ZNF776: variants seen among roughly 807,000 people sequenced by gnomAD.
ZNF776 encodes the protein zinc finger protein 776.
A neutral mutation model predicts 7.0 loss-of-function variants in ZNF776; 4 were observed. The observed-to-expected ratio is 0.57, with a 90% CI of 0.28 to 1.31. The LOEUF is 1.31. ZNF776 is among the 50% of genes most tolerant of loss of function. ZNF776 has a pLI of 0.10. For missense variants in ZNF776, 555 were observed against 625.9 expected (o/e 0.89, Z 1.21); for synonymous variants, 212 against 213.7 (o/e 0.99, Z 0.07).
At chr19:57,752,053 TA>T (rs1986626067) in intron 2 of ZNF776, among the ~76,000 whole-genome samples, 1 of 151,996 alleles carries the variant, frequency 6.6e-6, no homozygotes, top group Non-Finnish European at 1.5e-5. Flanking sequence ...TTTGTATTTT[TA>T]GTAGAGACGG....
At position 57,746,916 on chromosome 19, in the gene ZNF776, T is replaced by G; in HGVS notation, c.-143T>G. ...AACCCAGAAGGTGGAGACGAGACGT[T>G]GTCCCGACTGCACAGAGGCTGCTCT... On this transcript the variant is annotated 5_prime_UTR_variant, in exon 1 of 3. Coordinates refer to ENST00000317178, the MANE Select transcript of ZNF776 (RefSeq NM_173632.4). 3 of 755,920 alleles carry G rather than the reference T, an allele frequency of 4.0e-6. No individual in the cohort carries two copies. Among genetic ancestry groups the G allele is most frequent in the South Asian group, 4.2e-5 (2 of 47,854 alleles). The allele number at this position is 755,920 out of a possible 1,614,324, so 46.8% of individuals were successfully genotyped here. A position where few individuals can be genotyped will look rare whatever the true frequency, so the allele number is the denominator to read the frequency against.
At chr19:57,747,167 T>C in intron 1 of ZNF776, 76 bp downstream of exon 1, 1 of 1,484,450 alleles carries the variant, frequency 6.7e-7, no homozygotes, top group Non-Finnish European at 9.1e-7. Context: ...AAGCGGCGCC[T>C]GCTCAAGGTT....
At chr19:57,749,901 C>T (rs937967122) in intron 1 of ZNF776, among the ~76,000 whole-genome samples, 1 of 152,198 alleles carries the variant, frequency 6.6e-6, no homozygotes, top group African/African-American at 2.4e-5. Flanking sequence ...GGGATGTCCT[C>T]TTCTAGACTT....
rs1986727718 is a variant in ZNF776, at chr19:57,754,751, A to G, written c.*64A>G. The G allele has an allele frequency of 1.3e-6, 2 of 1,527,604 alleles. No individual in the cohort carries two copies. Among genetic ancestry groups the G allele is most frequent in the Non-Finnish European group, 1.8e-6 (2 of 1,123,884 alleles). The allele number at this position is 1,527,604 out of a possible 1,614,324, so 94.6% of individuals were successfully genotyped here. ...TCAACATTCGTGAGATCACACTGGA[A>G]AGCACTTATGAGTATGGAGAATGTG... On this transcript the variant is annotated 3_prime_UTR_variant, in exon 3 of 3. Transcript: ENST00000317178.
chr19:57,753,298 G>T lies in ZNF776; in HGVS notation c.168G>T (p.Trp56Cys). The T allele has an allele frequency of 1.9e-6, 3 of 1,606,614 alleles. No individual in the cohort carries two copies. Among genetic ancestry groups the T allele is most frequent in the Non-Finnish European group, 2.6e-6 (3 of 1,176,208 alleles). Residue 56 changes from tryptophan (W) to cysteine (C), a missense_variant, in exon 3 of 3, where the codon TGG becomes TGT. By Grantham distance (215) the Trp-to-Cys change is radical. Coordinates refer to ENST00000317178, the MANE Select transcript of ZNF776 (RefSeq NM_173632.4). The part of the protein sequence containing the change: ...NLTLISSLGC[W>C]YGAKDETPSK... ...GCATTTTATTTCTTTTAGGTTGTTGGTATGGAGCAAAAGACGAGACACCTT... is the reference window on the plus strand; with the variant it reads ...GCATTTTATTTCTTTTAGGTTGTTGTTATGGAGCAAAAGACGAGACACCTT...
At chr19:57,752,874 T>C (rs955733311) in intron 2 of ZNF776, among the ~76,000 whole-genome samples, 7 of 152,254 alleles carry the variant, frequency 4.6e-5, no homozygotes, top group African/African-American at 1.7e-4. Context: ...TTTGTTGTAC[T>C]CGTATTTTCT....
intron 2 of ZNF776, 75 bp downstream of exon 2, chr19:57,750,986 C>T: frequency 6.7e-7 from 1 of 1,492,736 alleles, no homozygotes. Context: ...CATGGCAAGA[C>T]TGTTTTCCTC....
rs771918100 is a variant in ZNF776, at chr19:57,746,832, G to T, written c.-227G>T. On this transcript the variant is annotated 5_prime_UTR_variant, in exon 1 of 3. Transcript: ENST00000317178. The stretch of plus-strand genomic sequence containing the variant: ...CCTCTACTAGTGGCCATTTTGATTG[G>T]TGTTGGGTGTATTTTCCAGTGAGAG... 51 of 445,038 alleles carry T rather than the reference G, an allele frequency of 1.1e-4. No individual in the cohort carries two copies. The highest frequency in any genetic ancestry group is 1.8e-4 in the Non-Finnish European group (45 of 247,456). 27.6% of individuals were successfully genotyped at this position (445,038 alleles called of 1,614,324 possible).
chr19:57,750,996 C>T, intron 2 of ZNF776, 85 bp downstream of exon 2: 2 of 1,462,558 alleles, frequency 1.4e-6, no homozygotes, highest in Non-Finnish European at 1.8e-6. Flanking sequence ...CTGTTTTCCT[C>T]ACTTCAGGAG....
At position 57,750,269 on chromosome 19, in the gene ZNF776, C is replaced by CA. The variant is rs879451114; in HGVS notation, c.34-501dup. Reference sequence around the variant, plus strand: ...TGAAACCTTCTCTCTACCAAAAATACAAAAAAAAAAAAAAATTAGCCGGCA... The same window carrying CA: ...TGAAACCTTCTCTCTACCAAAAATACAAAAAAAAAAAAAAAATTAGCCGGCA... On this transcript the variant is annotated intron_variant, in intron 1 of 2. Coordinates refer to ENST00000317178, the MANE Select transcript of ZNF776 (RefSeq NM_173632.4). Among the ~76,000 whole-genome samples the CA allele has an allele frequency of 6.0e-3, 697 of 117,054 alleles. 4 individuals are homozygous for CA. The highest frequency in any genetic ancestry group is 0.014 in the African/African-American group (445 of 31,472). 76.8% of individuals were successfully genotyped at this position (117,054 alleles called of 152,430 possible).
In ZNF776 at chr19:57,756,447, G is replaced by T; in HGVS notation, c.*1760G>T. ...ACAACATGGTTCTGGTACCATGAAGGATTCTGGTACCATGAAAGTTTGTTG... is the reference window on the plus strand; with the variant it reads ...ACAACATGGTTCTGGTACCATGAAGTATTCTGGTACCATGAAAGTTTGTTG... On this transcript the variant is annotated 3_prime_UTR_variant, in exon 3 of 3. Transcript: ENST00000317178. The T allele has an allele frequency of 6.5e-6, 1 of 153,514 alleles. No individual in the cohort carries two copies. The highest frequency in any genetic ancestry group is 1.5e-5 in the Non-Finnish European group (1 of 68,904). The allele number at this position is 153,514 out of a possible 1,614,324, so 9.5% of individuals were successfully genotyped here. A position where few individuals can be genotyped will look rare whatever the true frequency, so the allele number is the denominator to read the frequency against.
At position 57,747,761 on chromosome 19, in the gene ZNF776, G is replaced by A. The variant is rs376154280; in HGVS notation, c.33+670G>A. Among the ~76,000 whole-genome samples the A allele has an allele frequency of 2.2e-4, 33 of 152,230 alleles. No homozygotes were observed. In the East Asian group the frequency reaches 5.8e-3, roughly 27 times the overall value. ...GAAGCACTTGCAGAACCTCCGCAGG[G>A]AAGCGGAGGGTGTTATTCCCTCACT... On this transcript the variant is annotated intron_variant, in intron 1 of 2. Transcript: ENST00000317178.
rs1986576748 is a variant in ZNF776, at chr19:57,750,778, A to C, written c.34-7A>C. 6.2e-7 allele frequency: 1 copy of C among 1,608,970 alleles called. No individual in the cohort carries two copies. Among genetic ancestry groups the C allele is most frequent in the South Asian group, 1.1e-5 (1 of 90,842 alleles). On this transcript the variant is annotated splice_polypyrimidine_tract_variant and splice_region_variant and intron_variant, in intron 1 of 2. Coordinates refer to ENST00000317178, the MANE Select transcript of ZNF776 (RefSeq NM_173632.4). The stretch of plus-strand genomic sequence containing the variant: ...GTTTGTGGTTTCATCTGTCATCATC[A>C]CGGCAGGGCACTGTGACCTTTGAAG...
At chr19:57,753,091 A>G (rs550398695) in intron 2 of ZNF776, among the ~76,000 whole-genome samples, 200 bp from the exon 3 acceptor site, 1 of 152,232 alleles carries the variant, frequency 6.6e-6, no homozygotes, top group Non-Finnish European at 1.5e-5. Context: ...CCAACAATAC[A>G]TGCACTACAG....
intron 2 of ZNF776, 36 bp from the exon 3 acceptor site, chr19:57,753,255 G>T: frequency 1.3e-6 from 2 of 1,584,974 alleles, no homozygotes; most frequent in Non-Finnish European, 1.7e-6. Context: ...CCCTTCGGAA[G>T]TACCTTGCAT....
chr19:57,753,931 A>C lies in ZNF776; in HGVS notation c.801A>C (p.Gly267=). The C allele has an allele frequency of 6.2e-7, 1 of 1,614,240 alleles. No individual in the cohort carries two copies. Among genetic ancestry groups the C allele is most frequent in the Non-Finnish European group, 8.5e-7 (1 of 1,180,050 alleles). ...CTGGAAAAAGACCTTATCAGTGTGGACAATGTGATGAATCATTTTGGTATA... is the reference window on the plus strand; with the variant it reads ...CTGGAAAAAGACCTTATCAGTGTGGCCAATGTGATGAATCATTTTGGTATA... ...VRTGKRPYQC[G]QCDESFWYKA... is the part of the protein sequence containing the mutation. The change falls in exon 3 of 3, where the codon GGA becomes GGC. Residue 267 remains glycine (G), a synonymous_variant. Coordinates refer to ENST00000317178, the MANE Select transcript of ZNF776 (RefSeq NM_173632.4).
In ZNF776 at chr19:57,754,256, T is replaced by G. The variant is rs761340735; in HGVS notation, c.1126T>G (p.Phe376Val). Residue 376 changes from phenylalanine (F) to valine (V), a missense_variant, in exon 3 of 3, where the codon TTT becomes GTT. Coordinates refer to ENST00000317178, the MANE Select transcript of ZNF776 (RefSeq NM_173632.4). ...GCGAGTTCACACTGGAGAAAGACCT[T>G]TTGAGTGTACGGCATGTGGGAAGTT... is the stretch of plus-strand genomic sequence containing the variant. The part of the protein sequence containing the change: ...HQRVHTGERP[F>V]ECTACGKLFR... The G allele has an allele frequency of 5.0e-6, 8 of 1,613,654 alleles. No homozygotes were observed. The highest frequency in any genetic ancestry group is 5.9e-6 in the Non-Finnish European group (7 of 1,179,932).
chr19:57,754,382 C>T lies in ZNF776; in HGVS notation c.1252C>T (p.His418Tyr), dbSNP rs1600069432. Residue 418 changes from histidine to tyrosine, a missense_variant, in exon 3 of 3, where the codon CAC becomes TAC. His to Tyr is a moderately conservative substitution (Grantham distance 83). Transcript: ENST00000317178. ...TAGGAAATCATTTAGGTACAAGTCA[C>T]ACCTCACTGAACACCAGAGAGTTCA... ...ECRKSFRYKS[H>Y]LTEHQRVHTG... The T allele has an allele frequency of 1.2e-6, 2 of 1,613,908 alleles. No homozygotes were observed. Among genetic ancestry groups the T allele is most frequent in the Non-Finnish European group, 1.7e-6 (2 of 1,179,972 alleles).
At chr19:57,747,540 T>C (rs563804654) in intron 1 of ZNF776, among the ~76,000 whole-genome samples, 1 of 152,280 alleles carries the variant, frequency 6.6e-6, no homozygotes, top group African/African-American at 2.4e-5. Flanking sequence ...GGAGGTTGAA[T>C]TCTTGTTCAA....
Sources: gnomAD v4.1 joint callset for allele counts (sites outside exome capture counted in the v4.1 genomes callset) on GRCh38, gnomAD v4.1.1 for gene constraint, MANE v1.5 for transcripts, NCBI Gene and HGNC (gene_info 2026-07-23, HGNC 2026-07-21) for gene names.